The following FAM227B variants were observed in gnomAD, a reference collection of about 807,000 sequenced individuals.
FAM227B encodes family with sequence similarity 227 member B, also known as protein FAM227B.
In FAM227B, 88 loss-of-function variants were observed where a neutral mutation model predicts 73.8. That is an observed-to-expected ratio of 1.19 (90% confidence interval 1.00 to 1.42). The LOEUF is 1.42. Among genes scored for constraint, FAM227B ranks in the 40% most tolerant of loss-of-function variants. The pLI, the probability that FAM227B is intolerant of heterozygous loss-of-function variation, is 0.00. For missense variants in FAM227B, 632 were observed against 590.9 expected, an observed-to-expected ratio of 1.07 and a Z score of -0.72; for synonymous variants, 210 against 190.5, an observed-to-expected ratio of 1.10 and a Z score of -0.84.
intron 11 of FAM227B, among the ~76,000 whole-genome samples, chr15:49,401,244 G>A (rs1452501639): frequency 1.3e-5 from 2 of 152,216 alleles, no homozygotes; most frequent in African/African-American, 4.8e-5. Flanking sequence ...AAAAACACAT[G>A]AAAAAATGCT....
intron 10 of FAM227B, among the ~76,000 whole-genome samples, chr15:49,525,295 G>C (rs2060080891): frequency 6.6e-6 from 1 of 151,938 alleles, no homozygotes; most frequent in African/African-American, 2.4e-5. Flanking sequence ...TTAAAAATGG[G>C]AGTTTCCCTG....
chr15:49,406,003 T>G (rs1257558435), intron 11 of FAM227B, among the ~76,000 whole-genome samples: 1 of 152,162 alleles, frequency 6.6e-6, no homozygotes, highest in Non-Finnish European at 1.5e-5. Flanking sequence ...TTCTGGAAGA[T>G]TCCAGGGGGC....
At chr15:49,605,676 T>C (rs2077473524) in intron 3 of FAM227B, among the ~76,000 whole-genome samples, 1 of 151,516 alleles carries the variant, frequency 6.6e-6, no homozygotes, top group Admixed American at 6.6e-5. Flanking sequence ...TGGTCCTGAG[T>C]ACACTGGAGT....
intron 11 of FAM227B, among the ~76,000 whole-genome samples, chr15:49,391,975 T>C (rs2047240657): frequency 6.6e-6 from 1 of 152,080 alleles, no homozygotes; most frequent in African/African-American, 2.4e-5. Flanking sequence ...GGCTTTACTG[T>C]GCCAGGCAAG....
At chr15:49,392,612 A>G (rs756462210) in intron 11 of FAM227B, among the ~76,000 whole-genome samples, 4 of 152,234 alleles carry the variant, frequency 2.6e-5, no homozygotes, top group Non-Finnish European at 4.4e-5. Context: ...AGAGCAAAGG[A>G]CATTAAGATG....
intron 9 of FAM227B, 77 bp from the exon 10 acceptor site, chr15:49,541,883 A>T (rs946635140): frequency 4.6e-6 from 5 of 1,095,904 alleles, no homozygotes; most frequent in Non-Finnish European, 5.9e-6. Flanking sequence ...AGAAATTATT[A>T]TTTTTTAAAT....
At chr15:49,476,786 G>A (rs1232983168) in intron 11 of FAM227B, among the ~76,000 whole-genome samples, 15 of 152,150 alleles carry the variant, frequency 9.9e-5, no homozygotes, top group African/African-American at 2.7e-4. Flanking sequence ...TAGGCCAGGC[G>A]TGGTGGCTCA....
chr15:49,329,682 T>G (rs919115054), intron 15 of FAM227B: 10 of 980,742 alleles, frequency 1.0e-5, no homozygotes, highest in Non-Finnish European at 1.2e-5. Context: ...TTGAGTTCTA[T>G]AAATCCAAAA....
At chr15:49,337,856 A>G (rs1363804886) in intron 13 of FAM227B, among the ~76,000 whole-genome samples, 3 of 152,162 alleles carry the variant, frequency 2.0e-5, no homozygotes, top group Non-Finnish European at 4.4e-5. Context: ...ATGGCTGCAT[A>G]GTATTCCATG....
chr15:49,612,691 C>T (rs1273820211), intron 2 of FAM227B, among the ~76,000 whole-genome samples: 1 of 152,010 alleles, frequency 6.6e-6, no homozygotes, highest in Non-Finnish European at 1.5e-5. Flanking sequence ...GATGATATCA[C>T]TGAAAAGATT....
chr15:49,357,872 C>G (rs1408125723), intron 13 of FAM227B, among the ~76,000 whole-genome samples: 1 of 151,968 alleles, frequency 6.6e-6, no homozygotes, highest in Non-Finnish European at 1.5e-5. Context: ...AGCAGCCCAT[C>G]AAAAAGCTTA....
In FAM227B at chr15:49,611,280, A is replaced by G. The variant is rs189361651; in HGVS notation, c.52-12T>C. 3.3e-6 allele frequency: 5 copies of G among 1,524,136 alleles called. No homozygotes were observed. The African/African-American group carries it at 5.5e-5, about 17-fold the overall frequency. 94.4% of individuals were successfully genotyped at this position (1,524,136 alleles called of 1,614,324 possible). ...GGTTCTTGCATTTTCTAATAAAGTA[A>G]TATCAACATTGTTCATTGGCATAAA... On this transcript the variant is annotated splice_polypyrimidine_tract_variant and intron_variant, in intron 2 of 15. Transcript: ENST00000299338.
At chr15:49,508,078 A>C in intron 11 of FAM227B, 133 bp downstream of exon 11, 1 of 888,868 alleles carries the variant, frequency 1.1e-6, no homozygotes. Context: ...CCACTATAAC[A>C]TCAATCTATA....
In FAM227B at chr15:49,523,702, A is replaced by G. The variant is rs574343468; in HGVS notation, c.875-15354T>C. On this transcript the variant is annotated intron_variant, in intron 10 of 15. Transcript: ENST00000299338. The stretch of plus-strand genomic sequence containing the variant: ...ACAGGAAGATGTGAGGAAGTTTGGA[A>G]CTTCCTAGAAATTTGTTGAATGGCT... 1.4e-4 allele frequency among the ~76,000 whole-genome samples: 21 copies of G among 152,222 alleles called. No individual in the cohort carries two copies. The East Asian group carries it at 4.1e-3, about 29-fold the overall frequency.
Position 49,397,864 on chromosome 15 carries a change from G to A in FAM227B, c.1013-26465C>T, listed in dbSNP as rs539773966. On this transcript the variant is annotated intron_variant, in intron 11 of 15. Coordinates refer to ENST00000299338, the MANE Select transcript of FAM227B (RefSeq NM_152647.3). ...TGAAGGAAGTGCTAAACACGGAAAG[G>A]AACCACCGGTACCAGCAGCTGCAAA... 2.6e-5 allele frequency among the ~76,000 whole-genome samples: 4 copies of A among 152,198 alleles called. No homozygotes were observed. In the South Asian group the frequency reaches 8.3e-4, roughly 32 times the overall value.
chr15:49,616,347 T>C (rs1271295069), intron 1 of FAM227B, among the ~76,000 whole-genome samples: 1 of 152,218 alleles, frequency 6.6e-6, no homozygotes, highest in Non-Finnish European at 1.5e-5. Flanking sequence ...TGAAAATATC[T>C]AGAACTATGA....
intron 10 of FAM227B, among the ~76,000 whole-genome samples, chr15:49,538,620 C>T (rs2070609591): frequency 1.3e-5 from 2 of 152,076 alleles, no homozygotes; most frequent in African/African-American, 4.8e-5. Flanking sequence ...TAATGGTTTC[C>T]TATAAACCCT....
At position 49,550,339 on chromosome 15, in the gene FAM227B, C is replaced by A. The variant is rs1183090054; in HGVS notation, c.748-8533G>T. Among the ~76,000 whole-genome samples, 3 of 145,398 alleles carry A rather than the reference C, an allele frequency of 2.1e-5. 1 individual carries two copies. Among genetic ancestry groups the A allele is most frequent in the African/African-American group, 7.6e-5 (3 of 39,290 alleles). On this transcript the variant is annotated intron_variant, in intron 9 of 15. Transcript: ENST00000299338. ...GGCGGCTGGCCGGGCGGCGGGCTGA[C>A]CCCCCCACCTCCCTCCCGGACGGGG... is the stretch of plus-strand genomic sequence containing the variant.
At chr15:49,374,384 A>G (rs1464821821) in intron 11 of FAM227B, among the ~76,000 whole-genome samples, 2 of 152,226 alleles carry the variant, frequency 1.3e-5, no homozygotes, top group Non-Finnish European at 2.9e-5. Context: ...GAAGCTCAAG[A>G]GTTGGAATGT....
Sources: allele counts gnomAD v4.1 joint callset (sites outside exome capture counted in the v4.1 genomes callset), GRCh38; gene constraint gnomAD v4.1.1; transcripts MANE v1.5; gene names NCBI Gene and HGNC (gene_info 2026-07-23, HGNC 2026-07-21).